BCR: variants seen among roughly 807,000 people sequenced by gnomAD.
BCR encodes breakpoint cluster region protein.
Under a neutral mutation model 138.6 loss-of-function variants are expected in BCR, and 58 were observed. That is an observed-to-expected ratio of 0.42 (90% CI 0.34 to 0.52). The LOEUF (loss-of-function observed/expected upper bound fraction) is 0.52. Ranked by LOEUF, BCR falls within the 20% of genes least tolerant of loss-of-function variation. The pLI is 0.06. For missense variants in BCR, 1,599 were observed against 1,727.2 expected (o/e 0.93, Z 1.32); for synonymous variants, 786 against 730.1 (o/e 1.08, Z -1.23).
At chr22:23,190,409 C>G (rs913744296) in intron 1 of BCR, among the ~76,000 whole-genome samples, 1 of 152,170 alleles carries the variant, frequency 6.6e-6, no homozygotes, top group Non-Finnish European at 1.5e-5. Flanking sequence ...CTTAGGTGAT[C>G]CGCCCTCCTC....
chr22:23,308,450 C>T (rs1423344487), intron 16 of BCR, among the ~76,000 whole-genome samples: 3 of 152,152 alleles, frequency 2.0e-5, no homozygotes, highest in Admixed American at 6.5e-5. Context: ...GGACTACAGA[C>T]GCCCACCACC....
intron 14 of BCR, among the ~76,000 whole-genome samples, chr22:23,291,587 GCCC>G (rs2073787936): frequency 6.6e-6 from 1 of 151,972 alleles, no homozygotes; most frequent in Non-Finnish European, 1.5e-5. Flanking sequence ...ACCCTACGCT[GCCC>G]CGTGGTCCCG....
Position 23,273,849 on chromosome 22 carries a change from G to T in BCR, c.2115+75G>T. On this transcript the variant is annotated intron_variant, in intron 8 of 22. Transcript: ENST00000305877. ...GGCATGCAGGGCCCCTCGATCTGAGGTCTGGAGCCCTTCCTGGTCCTCAGC... is the reference window on the plus strand; with the variant it reads ...GGCATGCAGGGCCCCTCGATCTGAGTTCTGGAGCCCTTCCTGGTCCTCAGC... 3.8e-6 allele frequency: 6 copies of T among 1,586,164 alleles called. No homozygotes were observed. The South Asian group carries it at 5.6e-5, about 15-fold the overall frequency.
intron 1 of BCR, chr22:23,242,957 T>G (rs2073111910): frequency 2.2e-6 from 1 of 449,492 alleles, no homozygotes; most frequent in Non-Finnish European, 4.5e-6. Context: ...ATCTCTCCAG[T>G]CCCTGCCTCC....
chr22:23,181,565 C>T lies in BCR; in HGVS notation c.605C>T (p.Ser202Phe), dbSNP rs752591972. ...AAAGAGGTGTCGGACCGCATCAGCT[C>T]CCTGGGCAGCCAGGCCATGCAGATG... The part of the protein sequence containing the change: ...NDKEVSDRIS[S>F]LGSQAMQMER... Residue 202 changes from serine to phenylalanine, a missense_variant, in exon 1 of 23, where the codon TCC becomes TTC. Coordinates refer to ENST00000305877, the MANE Select transcript of BCR (RefSeq NM_004327.4). The T allele has an allele frequency of 3.7e-6, 6 of 1,612,986 alleles. No individual in the cohort carries two copies. Among genetic ancestry groups the T allele is most frequent in the South Asian group, 2.2e-5 (2 of 91,084 alleles).
chr22:23,208,682 G>C (rs960640062), intron 1 of BCR, among the ~76,000 whole-genome samples: 2 of 152,022 alleles, frequency 1.3e-5, no homozygotes, highest in Admixed American at 6.5e-5. Context: ...GTGAAACCCC[G>C]TCTCTACTAA....
At position 23,206,390 on chromosome 22, in the gene BCR, C is replaced by T. The variant is rs148381125; in HGVS notation, c.1279+24151C>T. On this transcript the variant is annotated intron_variant, in intron 1 of 22. Transcript: ENST00000305877. ...GAGATCGGGACCATCCTGGCTTACACGGTGAAACCATGTCTCTACTAAAAA... is the reference window on the plus strand; with the variant it reads ...GAGATCGGGACCATCCTGGCTTACATGGTGAAACCATGTCTCTACTAAAAA... 3.3e-3 allele frequency among the ~76,000 whole-genome samples: 507 copies of T among 152,084 alleles called. 3 individuals carry two copies. The highest frequency in any genetic ancestry group is 0.011 in the African/African-American group (476 of 41,480).
At chr22:23,238,786 C>G (rs2073054266) in intron 1 of BCR, among the ~76,000 whole-genome samples, 1 of 151,966 alleles carries the variant, frequency 6.6e-6, no homozygotes, top group South Asian at 2.1e-4. Context: ...AGACTACCCC[C>G]AGGACTGACC....
rs1403367655 is a variant in BCR at position 23,181,608 on chromosome 22, G to C, written c.648G>C (p.Gln216His). 2 of 1,612,286 alleles carry C rather than the reference G, an allele frequency of 1.2e-6. No homozygotes were observed. Among genetic ancestry groups the C allele is most frequent in the Non-Finnish European group, 8.5e-7 (1 of 1,179,982 alleles). ...QAMQMERKKS[Q>H]HGAGSSVGDA... ...TGCAGATGGAGCGCAAAAAGTCCCA[G>C]CACGGCGCGGGCTCGAGCGTGGGGG... The change falls in exon 1 of 23, where the codon CAG becomes CAC. Residue 216 changes from glutamine to histidine, a missense_variant. Around this residue, in one of 4 missense-constraint regions of BCR, gnomAD observed 806 missense variants for 635.0 expected, o/e 1.27. Coordinates refer to ENST00000305877, the MANE Select transcript of BCR (RefSeq NM_004327.4).
intron 14 of BCR, chr22:23,290,668 G>A (rs931978868): frequency 4.0e-6 from 2 of 505,384 alleles, no homozygotes; most frequent in East Asian, 6.9e-5. Context: ...CCCTGCAGGT[G>A]GATCGAGTAA....
At chr22:23,294,944 G>A in intron 15 of BCR, 80 bp from the exon 16 acceptor site, 3 of 1,543,060 alleles carry the variant, frequency 1.9e-6, no homozygotes, top group Non-Finnish European at 2.6e-6. Context: ...AGCAGGGAGA[G>A]CCCCGGTTCA....
intron 1 of BCR, among the ~76,000 whole-genome samples, chr22:23,223,458 C>T (rs1043096234): frequency 6.6e-6 from 1 of 152,134 alleles, no homozygotes; most frequent in Non-Finnish European, 1.5e-5. Context: ...CTTGTAGATG[C>T]GGATGCTGAC....
chr22:23,292,078 A>G lies in BCR; in HGVS notation c.2783-463A>G, dbSNP rs149932524. Among the ~76,000 whole-genome samples the G allele has an allele frequency of 3.2e-3, 481 of 152,184 alleles. 4 individuals carry two copies. Among genetic ancestry groups the G allele is most frequent in the African/African-American group, 0.011 (458 of 41,486 alleles). ...AGCACTGAGCTGCTTCCTGTGCCCC[A>G]CAGTGGCCTGGAGTCCCCTTTGCCT... On this transcript the variant is annotated intron_variant, in intron 14 of 22. Transcript: ENST00000305877.
chr22:23,275,457 T>G (rs1178336254), intron 8 of BCR, among the ~76,000 whole-genome samples: 1 of 152,224 alleles, frequency 6.6e-6, no homozygotes, highest in African/African-American at 2.4e-5. Context: ...GTTGGCTCCT[T>G]GGCAGTCTCT....
At chr22:23,292,485 A>G (rs2073799257) in intron 14 of BCR, 56 bp from the exon 15 acceptor site, 4 of 1,242,522 alleles carry the variant, frequency 3.2e-6, no homozygotes, top group African/African-American at 1.5e-5. Context: ...CTTACAGACC[A>G]TGTGGGTGAT....
intron 1 of BCR, among the ~76,000 whole-genome samples, chr22:23,228,528 G>C (rs1415254805): frequency 6.6e-6 from 1 of 152,114 alleles, no homozygotes; most frequent in Non-Finnish European, 1.5e-5. Context: ...TATAGTTCTG[G>C]CCAGAAGCTT....
rs1338905618 is a variant in BCR at position 23,288,069 on chromosome 22, C to T, written c.2527-28C>T. The stretch of plus-strand genomic sequence containing the variant: ...ATTTGCGTAGCCAGGGCGGAGATAA[C>T]TGGGTGTGTTCTTCTTGCCCACCCT... On this transcript the variant is annotated intron_variant, in intron 11 of 22. Coordinates refer to ENST00000305877, the MANE Select transcript of BCR (RefSeq NM_004327.4). 5.6e-6 allele frequency: 9 copies of T among 1,608,072 alleles called. No individual in the cohort carries two copies. In the East Asian group the frequency reaches 6.7e-5, roughly 12 times the overall value.
intron 1 of BCR, chr22:23,199,443 A>G: frequency 2.4e-6 from 1 of 410,312 alleles, no homozygotes; most frequent in Non-Finnish European, 4.9e-6. Context: ...GTTGATGGGG[A>G]TGGGCTGGCG....
chr22:23,181,865 C>A lies in BCR; in HGVS notation c.905C>A (p.Thr302Asn). Residue 302 changes from threonine (T) to asparagine (N), a missense_variant, in exon 1 of 23, where the codon ACC becomes AAC. Physicochemically the swap from Thr to Asn is moderately conservative, Grantham distance 65. Transcript: ENST00000305877. The part of the protein sequence containing the change: ...GKGPLLRSQS[T>N]SEQEKRLTWP... ...GGCCCGCTCCTGCGCAGCCAGAGCA[C>A]CTCTGAGCAGGAGAAGCGCCTTACC... 6.2e-7 allele frequency: 1 copy of A among 1,613,130 alleles called. No homozygotes were observed. Among genetic ancestry groups the A allele is most frequent in the Non-Finnish European group, 8.5e-7 (1 of 1,179,932 alleles).
Sources: gnomAD v4.1 joint callset for allele counts (sites outside exome capture counted in the v4.1 genomes callset) on GRCh38, gnomAD v4.1.1 for gene constraint, gnomAD v4.1.1 regional missense constraint, MANE v1.5 for transcripts, NCBI Gene and HGNC (gene_info 2026-07-23, HGNC 2026-07-21) for gene names.